MKRN1: variants seen among roughly 807,000 people sequenced by gnomAD.
The protein encoded by MKRN1 is makorin ring finger protein 1.
A neutral mutation model predicts 55.5 loss-of-function variants in MKRN1; 9 were observed. The observed-to-expected ratio is 0.16, with a 90% CI of 0.10 to 0.28. MKRN1 has a LOEUF of 0.28. Ranked by LOEUF, MKRN1 falls within the 10% of genes least tolerant of loss-of-function variation. MKRN1 has a pLI of 1.00. For synonymous variants in MKRN1, 253 were observed against 235.9 expected (o/e 1.07, Z -0.66); for missense variants, 488 against 626.7 (o/e 0.78, Z 2.36).
intron 1 of MKRN1, chr7:140,474,483 A>T: frequency 3.3e-6 from 1 of 299,100 alleles, no homozygotes; most frequent in South Asian, 2.4e-5. Context: ...CGCCACTGAG[A>T]CTCCGTCTCA....
At chr7:140,474,453 G>T (rs533970873) in intron 1 of MKRN1, 30 of 349,502 alleles carry the variant, frequency 8.6e-5, no homozygotes, top group South Asian at 5.7e-4. Context: ...GGGCCCAGAG[G>T]TTGCAGTGAA....
At chr7:140,457,261 ACT>A (rs1209384820) in intron 4 of MKRN1, among the ~76,000 whole-genome samples, 2 of 152,038 alleles carry the variant, frequency 1.3e-5, no homozygotes, top group African/African-American at 4.8e-5. Context: ...AGGCACGTAA[ACT>A]CTCTTATGCC....
At chr7:140,477,602 G>A (rs1188637423) in intron 1 of MKRN1, among the ~76,000 whole-genome samples, 2 of 152,134 alleles carry the variant, frequency 1.3e-5, no homozygotes, top group Non-Finnish European at 2.9e-5. Context: ...GATTACAGGT[G>A]TGAGCCACTG....
At chr7:140,466,447 T>C (rs1794767510) in intron 2 of MKRN1, among the ~76,000 whole-genome samples, 1 of 152,176 alleles carries the variant, frequency 6.6e-6, no homozygotes. Flanking sequence ...GGAGCATCAG[T>C]TGAGGCTGGG....
intron 2 of MKRN1, among the ~76,000 whole-genome samples, chr7:140,470,685 G>A (rs1417256240): frequency 1.3e-5 from 2 of 150,322 alleles, no homozygotes; most frequent in Non-Finnish European, 3.0e-5. Context: ...GGAGGCCGAG[G>A]TGGGCAGATC....
intron 1 of MKRN1, chr7:140,472,272 T>C: frequency 2.6e-6 from 1 of 387,550 alleles, no homozygotes. Context: ...CCGTCTCTAC[T>C]AAAAATACAA....
Position 140,456,756 on chromosome 7 carries a change from G to C in MKRN1, c.882C>G (p.Pro294=). Residue 294 remains proline (P), a synonymous_variant, in exon 5 of 8, where the codon CCC becomes CCG. Transcript: ENST00000255977. The part of the protein sequence containing the change: ...CMEVVYEKAN[P]SERRFGILSN... ...AGAGGATCCCGAAGCGGCGCTCACT[G>C]GGGTTGGCTTTCTCATAGACCACCT... 1 of 1,614,038 alleles carries C rather than the reference G, an allele frequency of 6.2e-7. No homozygotes were observed. Among genetic ancestry groups the C allele is most frequent in the Non-Finnish European group, 8.5e-7 (1 of 1,179,944 alleles).
At chr7:140,472,108 C>A (rs1331235464) in intron 1 of MKRN1, 97 bp from the exon 2 acceptor site, 4 of 1,497,046 alleles carry the variant, frequency 2.7e-6, no homozygotes, top group Non-Finnish European at 2.7e-6. Context: ...CCAGTAAATA[C>A]ACAAACATAC....
chr7:140,477,157 TTAAG>T (rs915556250), intron 1 of MKRN1, among the ~76,000 whole-genome samples: 6 of 150,470 alleles, frequency 4.0e-5, no homozygotes, highest in Non-Finnish European at 5.9e-5. Context: ...GAAAATAGTT[TTAAG>T]TAAGAGATCA....
At chr7:140,474,349 A>G (rs186920218) in intron 1 of MKRN1, 8 of 227,602 alleles carry the variant, frequency 3.5e-5, no homozygotes, top group Non-Finnish European at 7.5e-5. Context: ...TACAAAAAAA[A>G]CAAACAATTA....
chr7:140,454,201 T>C lies in MKRN1; in HGVS notation c.*316A>G, dbSNP rs1268947446. On this transcript the variant is annotated 3_prime_UTR_variant, in exon 8 of 8. Transcript: ENST00000255977. The stretch of plus-strand genomic sequence containing the variant: ...TTGAACCTGGGGTCCTCAAAATGAG[T>C]GTGTGAAAAGTCCATAAATGCAATC... 1.2e-5 allele frequency: 4 copies of C among 346,398 alleles called. No homozygotes were observed. The highest frequency in any genetic ancestry group is 2.2e-5 in the Non-Finnish European group (4 of 180,312). The allele number at this position is 346,398 out of a possible 1,614,324, so 21.5% of individuals were successfully genotyped here.
At position 140,456,828 on chromosome 7, in the gene MKRN1, T is replaced by A; in HGVS notation, c.810A>T (p.Ser270=). The change falls in exon 5 of 8, where the codon TCA becomes TCT. Residue 270 remains serine, a synonymous_variant. Transcript: ENST00000255977. ...TGTCCTTGCTGCGCTGCACGGCAAATGAGAGCTCCATGTCCTTCTCATGGG... is the reference window on the plus strand; with the variant it reads ...TGTCCTTGCTGCGCTGCACGGCAAAAGAGAGCTCCATGTCCTTCTCATGGG... ...IEAHEKDMEL[S]FAVQRSKDMV... is the part of the protein sequence containing the mutation. The A allele has an allele frequency of 6.2e-7, 1 of 1,613,872 alleles. No homozygotes were observed.
intron 2 of MKRN1, among the ~76,000 whole-genome samples, chr7:140,467,436 C>A (rs1001142613): frequency 6.6e-6 from 1 of 151,960 alleles, no homozygotes; most frequent in East Asian, 1.9e-4. Flanking sequence ...TGCCACCATG[C>A]CCAGCTAATT....
intron 6 of MKRN1, 128 bp from the exon 7 acceptor site, chr7:140,455,361 T>C: frequency 1.7e-6 from 2 of 1,183,276 alleles, no homozygotes; most frequent in South Asian, 1.5e-5. Flanking sequence ...CCCCAAGATG[T>C]GTTCTTATAA....
chr7:140,462,970 C>T (rs1794666726), intron 2 of MKRN1, among the ~76,000 whole-genome samples: 1 of 151,000 alleles, frequency 6.6e-6, no homozygotes, highest in Admixed American at 6.6e-5. Context: ...CAACTCAGAA[C>T]CAATAAAGAC....
chr7:140,474,667 C>T (rs1795067332), intron 1 of MKRN1, among the ~76,000 whole-genome samples: 1 of 151,886 alleles, frequency 6.6e-6, no homozygotes, highest in Non-Finnish European at 1.5e-5. Context: ...TAATAAATTT[C>T]ACTATGGACG....
intron 2 of MKRN1, among the ~76,000 whole-genome samples, chr7:140,465,782 T>C (rs1794747367): frequency 6.6e-6 from 1 of 151,938 alleles, no homozygotes; most frequent in Admixed American, 6.6e-5. Flanking sequence ...ATCCCAACAC[T>C]AAGAGTAAGA....
At chr7:140,474,188 C>A (rs1419708068) in intron 1 of MKRN1, among the ~76,000 whole-genome samples, 3 of 150,986 alleles carry the variant, frequency 2.0e-5, no homozygotes, top group African/African-American at 7.3e-5. Flanking sequence ...ATGGTGAAAC[C>A]CACTATCTAC....
chr7:140,462,196 T>A (rs993481782), intron 2 of MKRN1, among the ~76,000 whole-genome samples: 11 of 151,962 alleles, frequency 7.2e-5, no homozygotes, highest in Non-Finnish European at 1.0e-4. Context: ...CTGGTCTAAC[T>A]TTTTTTATTT....
Sources: gnomAD v4.1 joint callset for allele counts (sites outside exome capture counted in the v4.1 genomes callset) on GRCh38, gnomAD v4.1.1 for gene constraint, MANE v1.5 for transcripts, NCBI Gene and HGNC (gene_info 2026-07-23, HGNC 2026-07-21) for gene names.